The following ATP8B3 variants were observed in gnomAD, a reference collection of about 807,000 sequenced individuals.
ATP8B3 encodes the protein ATPase phospholipid transporting 8B3, also known as phospholipid-transporting ATPase IK.
Under a neutral mutation model 140.9 loss-of-function variants are expected in ATP8B3, and 141 were observed. The observed-to-expected ratio is 1.00, with a 90% CI of 0.87 to 1.15. The LOEUF is 1.15. Among genes scored for constraint, ATP8B3 ranks in the 50% most tolerant of loss-of-function variants. The pLI is 0.00. For missense variants in ATP8B3, 1,874 were observed against 1,740.6 expected (o/e 1.08, Z -1.36); for synonymous variants, 765 against 714.6 (o/e 1.07, Z -1.13).
chr19:1,802,407 A>AG, intron 11 of ATP8B3, 80 bp downstream of exon 11: 21 of 318,084 alleles, frequency 6.6e-5, no homozygotes, highest in Non-Finnish European at 8.4e-5. Flanking sequence ...CCACCCACCT[A>AG]CCCACCCACC....
In ATP8B3 at chr19:1,794,446, C is replaced by T. The variant is rs2068607596; in HGVS notation, c.2055+1429G>A. Among the ~76,000 whole-genome samples the T allele has an allele frequency of 2.0e-5, 3 of 152,050 alleles. No individual in the cohort carries two copies. Among genetic ancestry groups the T allele is most frequent in the Admixed American group, 2.0e-4 (3 of 15,272 alleles). On this transcript the variant is annotated intron_variant, in intron 18 of 28. Transcript: ENST00000310127. The surrounding 1 kb of genome is among the most constrained non-coding windows in gnomAD (Gnocchi z 4.8). ...AGGGGACACAGGACATCTTCCCACA[C>T]ACACCCCGCTGCCCTGTGCTCCATG...
At position 1,789,017 on chromosome 19, in the gene ATP8B3, C is replaced by T. The variant is rs377354610; in HGVS notation, c.2949G>A (p.Leu983=). The T allele has an allele frequency of 7.3e-4, 1,175 of 1,609,766 alleles. 1 individual carries two copies. The highest frequency in any genetic ancestry group is 9.3e-4 in the Non-Finnish European group (1,102 of 1,178,684). The change falls in exon 24 of 29, where the codon CTG becomes CTA. Residue 983 remains leucine, a synonymous_variant. Transcript: ENST00000310127. The stretch of plus-strand genomic sequence containing the variant: ...GCACGTAGGACCAGCGGCCGTGCAC[C>T]AGCAGGAGGCGCTGCAGGAAGCAGA... ...GQFCFLQRLL[L]VHGRWSYVRI... is the part of the protein sequence containing the mutation.
intron 21 of ATP8B3, 23 bp downstream of exon 21, chr19:1,790,734 C>A: frequency 6.4e-7 from 1 of 1,570,650 alleles, no homozygotes; most frequent in East Asian, 2.3e-5. Flanking sequence ...CCCTTGCTCA[C>A]CCCCCAACTC....
rs1188504252 is a variant in ATP8B3, at chr19:1,802,058, T to C, written c.1064-14A>G. ...TTGTGTCAAAACCTACAAACATGTA[T>C]CCATCTATCCACCCACCCACCCACC... is the stretch of plus-strand genomic sequence containing the variant. On this transcript the variant is annotated splice_polypyrimidine_tract_variant and intron_variant, in intron 11 of 28. Coordinates refer to ENST00000310127, the MANE Select transcript of ATP8B3 (RefSeq NM_138813.4). 1 of 1,574,228 alleles carries C rather than the reference T, an allele frequency of 6.4e-7. No homozygotes were observed. The highest frequency in any genetic ancestry group is 1.2e-5 in the South Asian group (1 of 86,472).
chr19:1,791,773 C>CGGT lies in ATP8B3; in HGVS notation c.2278_2279insACC (p.Trp760delinsTyrArg). ...ACCCTGCTTGTCCCCGGTGAGCACCCATATTTTGATGTTGCTCTTCTTGAG... is the reference window on the plus strand; with the variant it reads ...ACCCTGCTTGTCCCCGGTGAGCACCCGGTATATTTTGATGTTGCTCTTCTTGAG... On this transcript the variant is annotated protein_altering_variant, in exon 20 of 29. Transcript: ENST00000310127. 1 of 1,611,648 alleles carries CGGT rather than the reference C, an allele frequency of 6.2e-7. No individual in the cohort carries two copies. The highest frequency in any genetic ancestry group is 8.5e-7 in the Non-Finnish European group (1 of 1,179,720).
chr19:1,797,093 G>A (rs1328402914), intron 14 of ATP8B3, 88 bp from the exon 15 acceptor site: 9 of 1,573,798 alleles, frequency 5.7e-6, no homozygotes, highest in Middle Eastern at 1.8e-4. Context: ...TCAGGCTTCC[G>A]GGGGCCACTG....
intron 3 of ATP8B3, 123 bp downstream of exon 3, chr19:1,810,499 A>T: frequency 1.1e-6 from 1 of 941,866 alleles, no homozygotes; most frequent in Non-Finnish European, 1.5e-6. Context: ...CCTGACCTCA[A>T]GTGATCCACC....
intron 14 of ATP8B3, 183 bp downstream of exon 14, chr19:1,799,764 C>CA (rs752768896): frequency 0.075 from 38,792 of 520,328 alleles, 5 homozygotes; most frequent in South Asian, 0.088. Flanking sequence ...GACTCTGCCT[C>CA]AAAAAAAAAA....
rs755694854 is a variant in ATP8B3 at position 1,789,595 on chromosome 19, G to A, written c.2611C>T (p.Arg871Trp). The change falls in exon 23 of 29, where the codon CGG becomes TGG. Residue 871 changes from arginine (R) to tryptophan (W), a missense_variant. Arg to Trp is a moderately radical substitution (Grantham distance 101). Coordinates refer to ENST00000310127, the MANE Select transcript of ATP8B3 (RefSeq NM_138813.4). The stretch of plus-strand genomic sequence containing the variant: ...GCAGCCAGCGGGAGCCCGAACCTCC[G>A]GCACAGCAGGGACAGGCGCCTGGCG... ...LYARRLSLLC[R>W]RFGLPLAAPP... The A allele has an allele frequency of 6.3e-6, 10 of 1,592,662 alleles. No individual in the cohort carries two copies. Among genetic ancestry groups the A allele is most frequent in the Non-Finnish European group, 8.5e-6 (10 of 1,174,368 alleles).
At chr19:1,802,069 A>ACACC in intron 11 of ATP8B3, 25 bp from the exon 12 acceptor site, 2 of 1,112,374 alleles carry the variant, frequency 1.8e-6, no homozygotes, top group Non-Finnish European at 2.4e-6. Flanking sequence ...CCATCTATCC[A>ACACC]CCCACCCACC....
chr19:1,783,223 C>T lies in ATP8B3; in HGVS notation c.3708G>A (p.Glu1236=), dbSNP rs377421315. 2.7e-5 allele frequency: 44 copies of T among 1,611,952 alleles called. No homozygotes were observed. Among genetic ancestry groups the T allele is most frequent in the African/African-American group, 1.3e-4 (10 of 74,836 alleles). ...EGPSEEIFTM[E]PLPHVHRESR... ...ACTCCCGGTGTACATGAGGCAAGGG[C>T]TCCATGGTGAAAATCTCCTCGCTGG... is the stretch of plus-strand genomic sequence containing the variant. The change falls in exon 29 of 29, where the codon GAG becomes GAA. Residue 1236 remains glutamate, a synonymous_variant. Coordinates refer to ENST00000310127, the MANE Select transcript of ATP8B3 (RefSeq NM_138813.4).
rs761586170 is a variant in ATP8B3, at chr19:1,789,430, C to T, written c.2776G>A (p.Val926Ile). ...GTCACCACCTGGTGGTACTTCTTGACCAGGGCCACGATCAGGGCCTTCTGC... is the reference window on the plus strand; with the variant it reads ...GTCACCACCTGGTGGTACTTCTTGATCAGGGCCACGATCAGGGCCTTCTGC... ...PKQKALIVAL[V>I]KKYHQVVTLA... is the part of the protein sequence containing the mutation. Residue 926 changes from valine to isoleucine, a missense_variant, in exon 23 of 29, where the codon GTC becomes ATC. Coordinates refer to ENST00000310127, the MANE Select transcript of ATP8B3 (RefSeq NM_138813.4). The T allele has an allele frequency of 1.3e-6, 2 of 1,598,404 alleles. No homozygotes were observed. The highest frequency in any genetic ancestry group is 1.7e-4 in the Middle Eastern group (1 of 6,046).
chr19:1,806,115 G>C lies in ATP8B3; in HGVS notation c.732C>G (p.Arg244=), dbSNP rs769940055. The change falls in exon 8 of 29, where the codon CGC becomes CGG. Residue 244 remains arginine, a synonymous_variant. Coordinates refer to ENST00000310127, the MANE Select transcript of ATP8B3 (RefSeq NM_138813.4). The surrounding 1 kb of genome is among the most constrained non-coding windows in gnomAD (Gnocchi z 5.6). ...DLCVGDVVCL[R]KDNIVPADML... ...AGCTCACTGGGACGATGTTGTCCTT[G>C]CGGAGACAGACCACATCCCCCACGC... is the stretch of plus-strand genomic sequence containing the variant. 7 of 1,603,274 alleles carry C rather than the reference G, an allele frequency of 4.4e-6. No homozygotes were observed. The East Asian group carries it at 1.4e-4, about 31-fold the overall frequency.
chr19:1,796,155 C>T lies in ATP8B3; in HGVS notation c.1864G>A (p.Glu622Lys). The T allele has an allele frequency of 6.2e-7, 1 of 1,613,014 alleles. No homozygotes were observed. Among genetic ancestry groups the T allele is most frequent in the Non-Finnish European group, 8.5e-7 (1 of 1,179,868 alleles). ...SRTQDTVTIMELGEERVYQVL... is the reference protein window; with the variant it reads ...SRTQDTVTIMKLGEERVYQVL... ...TGGTAGACCCGTTCCTCCCCCAGCT[C>T]CATGATCGTGACGGTGTCCTGGGTG... The change falls in exon 17 of 29, where the codon GAG becomes AAG. Residue 622 changes from glutamate (E) to lysine (K), a missense_variant. Transcript: ENST00000310127.
Position 1,805,294 on chromosome 19 carries a change from A to G in ATP8B3, c.904+80T>C. 7.3e-7 allele frequency: 1 copy of G among 1,372,138 alleles called. No individual in the cohort carries two copies. Among genetic ancestry groups the G allele is most frequent in the Non-Finnish European group, 1.0e-6 (1 of 984,832 alleles). 85.0% of individuals were successfully genotyped at this position (1,372,138 alleles called of 1,614,324 possible). On this transcript the variant is annotated intron_variant, in intron 10 of 28. Transcript: ENST00000310127. The surrounding 1 kb of genome is among the most constrained non-coding windows in gnomAD (Gnocchi z 5.2). ...CTGGCCAGCACCTTGTTTTAAAAAC[A>G]GTAATAACAACAACAAAATACCCTA...
chr19:1,799,391 G>A (rs1356156862), intron 14 of ATP8B3: 6 of 157,422 alleles, frequency 3.8e-5, no homozygotes, highest in Non-Finnish European at 6.9e-5. Context: ...CCCAGGAGGC[G>A]GAGGTTTCAG....
In ATP8B3 at chr19:1,794,105, G is replaced by A. The variant is rs1446688462; in HGVS notation, c.2055+1770C>T. 6.6e-6 allele frequency among the ~76,000 whole-genome samples: 1 copy of A among 152,166 alleles called. No individual in the cohort carries two copies. The highest frequency in any genetic ancestry group is 1.5e-5 in the Non-Finnish European group (1 of 68,026). The stretch of plus-strand genomic sequence containing the variant: ...TGCAGTGGTGCGATCACAGCTTGCT[G>A]TAGCCTCCACCTCCTGCACTCAAGC... On this transcript the variant is annotated intron_variant, in intron 18 of 28. Transcript: ENST00000310127. This position sits in a 1 kb window ranked among gnomAD's most constrained non-coding sequence, Gnocchi z 4.8.
chr19:1,800,348 A>G lies in ATP8B3; in HGVS notation c.1254T>C (p.His418=), dbSNP rs1202813850. ...AGGACTCTGCGGCCACGCTGCTCCC[A>G]TGCACCCCCGAGAGGTAGTAGTGGT... is the stretch of plus-strand genomic sequence containing the variant. ...KDHHYYLSGV[H]GSSVAAESFF... is the part of the protein sequence containing the mutation. The change falls in exon 13 of 29, where the codon CAT becomes CAC. Residue 418 remains histidine (H), a synonymous_variant. Transcript: ENST00000310127. This position sits in a 1 kb window ranked among gnomAD's most constrained non-coding sequence, Gnocchi z 4.4. The G allele has an allele frequency of 7.4e-6, 12 of 1,612,768 alleles. No homozygotes were observed. Among genetic ancestry groups the G allele is most frequent in the Non-Finnish European group, 5.9e-6 (7 of 1,179,818 alleles).
At chr19:1,789,801 C>T (rs545978147) in intron 22 of ATP8B3, 74 bp from the exon 23 acceptor site, 3 of 1,573,568 alleles carry the variant, frequency 1.9e-6, no homozygotes, top group Admixed American at 3.5e-5. Flanking sequence ...GGCCCTCGGC[C>T]TCGCCAGCAG....
Sources: gnomAD v4.1 joint callset for allele counts (sites outside exome capture counted in the v4.1 genomes callset) on GRCh38, gnomAD v4.1.1 for gene constraint, Gnocchi (gnomAD v3.1) non-coding constraint, MANE v1.5 for transcripts, NCBI Gene and HGNC (gene_info 2026-07-23, HGNC 2026-07-21) for gene names.